YIPF2: variants seen among roughly 807,000 people sequenced by gnomAD.
YIPF2 encodes protein YIPF2.
In YIPF2, 30 loss-of-function variants were observed where a neutral mutation model predicts 38.8. The ratio of observed to expected loss-of-function variants is 0.77; its 90% CI spans 0.58 to 1.05. YIPF2 has a LOEUF of 1.05. Ranked by LOEUF, YIPF2 falls within the 50% of genes least tolerant of loss-of-function variation. YIPF2 has a pLI of 0.00. For synonymous variants in YIPF2, 194 were observed against 183.8 expected, an observed-to-expected ratio of 1.06 and a Z score of -0.45; for missense variants, 401 against 409.7, an observed-to-expected ratio of 0.98 and a Z score of 0.18.
chr19:10,928,554 G>C lies in YIPF2; in HGVS notation c.-74C>G. On this transcript the variant is annotated 5_prime_UTR_variant, in exon 1 of 10. Coordinates refer to ENST00000586748, the MANE Select transcript of YIPF2 (RefSeq NM_001321439.2). ...CACGGAGGCTTGAACTCGTCGTCCC[G>C]TCCCCACAGGTGCGCTCCGCCCCCC... The C allele has an allele frequency of 2.6e-6, 3 of 1,135,112 alleles. No individual in the cohort carries two copies. In the South Asian group the frequency reaches 6.2e-5, roughly 24 times the overall value. The allele number at this position is 1,135,112 out of a possible 1,614,324, so 70.3% of individuals were successfully genotyped here.
chr19:10,924,506 C>T (rs1242935873), intron 5 of YIPF2, among the ~76,000 whole-genome samples: 2 of 152,120 alleles, frequency 1.3e-5, no homozygotes, highest in Non-Finnish European at 2.9e-5. Flanking sequence ...GTTCTTGGCC[C>T]CTTCCATGTC....
chr19:10,922,643 C>T lies in YIPF2; in HGVS notation c.*551G>A, dbSNP rs2074276476. On this transcript the variant is annotated 3_prime_UTR_variant, in exon 10 of 10. Coordinates refer to ENST00000586748, the MANE Select transcript of YIPF2 (RefSeq NM_001321439.2). ...TAGCTCCCCTCCATCCTTGTAGACG[C>T]TCCAGTCCCTACTACTGTGACGGCA... The T allele has an allele frequency of 6.6e-6, 1 of 152,336 alleles. No individual in the cohort carries two copies. The highest frequency in any genetic ancestry group is 1.5e-5 in the Non-Finnish European group (1 of 68,136). The allele number at this position is 152,336 out of a possible 1,614,324, so 9.4% of individuals were successfully genotyped here.
At position 10,923,876 on chromosome 19, in the gene YIPF2, A is replaced by G. The variant is rs757126430; in HGVS notation, c.608T>C (p.Val203Ala). Residue 203 changes from valine (V) to alanine (A), a missense_variant, in exon 7 of 10, where the codon GTG (valine) becomes GCG (alanine). Coordinates refer to ENST00000586748, the MANE Select transcript of YIPF2 (RefSeq NM_001321439.2). ...AAAGAGGGAGTAGCCGTAGATGCACACAGTCTCCAGGAAGGTGTAGGGCCC... is the reference window on the plus strand; with the variant it reads ...AAAGAGGGAGTAGCCGTAGATGCACGCAGTCTCCAGGAAGGTGTAGGGCCC... ...RMGPYTFLET[V>A]CIYGYSLFVF... is the part of the protein sequence containing the mutation. 6.2e-7 allele frequency: 1 copy of G among 1,613,408 alleles called. No homozygotes were observed. Among genetic ancestry groups the G allele is most frequent in the East Asian group, 2.2e-5 (1 of 44,858 alleles).
intron 3 of YIPF2, 30 bp downstream of exon 3, chr19:10,927,769 G>A (rs1251279145): frequency 6.2e-7 from 1 of 1,609,684 alleles, no homozygotes; most frequent in Admixed American, 1.7e-5. Context: ...TCAGCTGGGG[G>A]CTGCAAGGAG....
At chr19:10,924,314 G>C (rs1177456455) in intron 5 of YIPF2, 122 bp from the exon 6 acceptor site, 1 of 827,622 alleles carries the variant, frequency 1.2e-6, no homozygotes, top group East Asian at 2.7e-5. Context: ...TGACTCACCA[G>C]GACACCGGGG....
chr19:10,924,697 T>C (rs1211897453), intron 5 of YIPF2, among the ~76,000 whole-genome samples: 1 of 151,842 alleles, frequency 6.6e-6, no homozygotes, highest in African/African-American at 2.4e-5. Context: ...ACGTGGCAAC[T>C]CTATCCATCC....
In YIPF2 at chr19:10,928,522, C is replaced by G. The variant is rs1400831961; in HGVS notation, c.-42G>C. ...GCCCCCAGCCCTACCTGGCGACCAA[C>G]TGCACCCACGGAGGCTTGAACTCGT... On this transcript the variant is annotated 5_prime_UTR_variant, in exon 1 of 10. Transcript: ENST00000586748. 4.6e-6 allele frequency: 6 copies of G among 1,295,644 alleles called. No individual in the cohort carries two copies. The highest frequency in any genetic ancestry group is 6.0e-6 in the Non-Finnish European group (6 of 1,000,944). The allele number at this position is 1,295,644 out of a possible 1,614,324, so 80.3% of individuals were successfully genotyped here.
At chr19:10,926,004 G>C (rs2083419342) in intron 4 of YIPF2, among the ~76,000 whole-genome samples, 2 of 147,110 alleles carry the variant, frequency 1.4e-5, no homozygotes, top group Admixed American at 1.4e-4. Context: ...TCTGCCTCCC[G>C]AGCTCAAGCA....
chr19:10,927,960 C>A lies in YIPF2; in HGVS notation c.32-1G>T, dbSNP rs1179882027. 6.2e-7 allele frequency: 1 copy of A among 1,603,692 alleles called. No homozygotes were observed. The highest frequency in any genetic ancestry group is 1.1e-5 in the South Asian group (1 of 90,828). On this transcript the variant is annotated splice_acceptor_variant, in intron 2 of 9. Transcript: ENST00000586748. LOFTEE classifies it high-confidence loss of function. ...AGAAGATTAGTGGCCTCCTCGAATT[C>A]TGTGGAGGAGGTATATGGGACACAC...
At chr19:10,927,472 C>A (rs907619163) in intron 4 of YIPF2, 158 bp downstream of exon 4, 2 of 948,202 alleles carry the variant, frequency 2.1e-6, no homozygotes, top group African/African-American at 3.3e-5. Flanking sequence ...CCCCTGTGTT[C>A]CCATAGTCCC....
rs76024147 is a variant in YIPF2, at chr19:10,923,322, G to A, written c.920C>T (p.Pro307Leu). The change falls in exon 9 of 10, where the codon CCT becomes CTT. Residue 307 changes from proline (P) to leucine (L), a missense_variant. Coordinates refer to ENST00000586748, the MANE Select transcript of YIPF2 (RefSeq NM_001321439.2). ...GGGGGCCAGGGACTGCGGCAAGGTA[G>A]GGGACAGCGCGATGTTTGAGGGCAG... ...TSLPSNIALS[P>L]TLPQSLAPS The A allele has an allele frequency of 6.2e-7, 1 of 1,612,816 alleles. No homozygotes were observed. The highest frequency in any genetic ancestry group is 2.2e-5 in the East Asian group (1 of 44,872).
chr19:10,923,952 G>A lies in YIPF2; in HGVS notation c.532C>T (p.Leu178=), dbSNP rs1480103433. 1.9e-6 allele frequency: 3 copies of A among 1,613,310 alleles called. No individual in the cohort carries two copies. The highest frequency in any genetic ancestry group is 1.3e-5 in the African/African-American group (1 of 74,926). Residue 178 remains leucine, a synonymous_variant, in exon 7 of 10, where the codon CTG becomes TTG. Coordinates refer to ENST00000586748, the MANE Select transcript of YIPF2 (RefSeq NM_001321439.2). ...CACCGCAGGAAGCCCCACAGGGCCA[G>A]GGGCACCAGCCACGCATAGCAGTAG... is the stretch of plus-strand genomic sequence containing the variant. ...SIYCYAWLVP[L]ALWGFLRWRK... is the part of the protein sequence containing the mutation.
At position 10,923,531 on chromosome 19, in the gene YIPF2, G is replaced by C. The variant is rs141333361; in HGVS notation, c.798C>G (p.Val266=). ...TGGCCAGGAGGGCGTGGAGCAGCACGACCACGGACAGCAGCACTGTGGCCA... is the reference window on the plus strand; with the variant it reads ...TGGCCAGGAGGGCGTGGAGCAGCACCACCACGGACAGCAGCACTGTGGCCA... ...RLVATVLLSV[V]VLLHALLAMG... The change falls in exon 8 of 10, where the codon GTC becomes GTG. Residue 266 remains valine (V), a synonymous_variant. Coordinates refer to ENST00000586748, the MANE Select transcript of YIPF2 (RefSeq NM_001321439.2). The C allele has an allele frequency of 6.2e-7, 1 of 1,612,518 alleles. No homozygotes were observed. The highest frequency in any genetic ancestry group is 1.3e-5 in the African/African-American group (1 of 75,034).
At position 10,923,017 on chromosome 19, in the gene YIPF2, A is replaced by G. The variant is rs976475937; in HGVS notation, c.*177T>C. 13 of 337,390 alleles carry G rather than the reference A, an allele frequency of 3.9e-5. No individual in the cohort carries two copies. Among genetic ancestry groups the G allele is most frequent in the Non-Finnish European group, 6.4e-5 (12 of 186,752 alleles). The allele number at this position is 337,390 out of a possible 1,614,324, so 20.9% of individuals were successfully genotyped here. ...GCTCGGCTGCCCCTCGCCCGCCTTT[A>G]TATAAATTCTCTGAATCACCTTTGC... On this transcript the variant is annotated 3_prime_UTR_variant, in exon 10 of 10. Coordinates refer to ENST00000586748, the MANE Select transcript of YIPF2 (RefSeq NM_001321439.2).
chr19:10,927,559 T>A (rs1160956646), intron 4 of YIPF2, 71 bp downstream of exon 4: 1 of 1,575,208 alleles, frequency 6.3e-7, no homozygotes, highest in Non-Finnish European at 8.6e-7. Flanking sequence ...ACCAGCACCC[T>A]GCCCAGGGGA....
chr19:10,924,200 TA>T lies in YIPF2; in HGVS notation c.368-9del. On this transcript the variant is annotated splice_polypyrimidine_tract_variant and intron_variant, in intron 5 of 9. Coordinates refer to ENST00000586748, the MANE Select transcript of YIPF2 (RefSeq NM_001321439.2). ...CACAGATCCAGAAGGGGCCTGGGGG[TA>T]GGGGGCACAGTCAGGGTCCCGGGCC... 1 of 1,607,992 alleles carries T rather than the reference TA, an allele frequency of 6.2e-7. No individual in the cohort carries two copies. Among genetic ancestry groups the T allele is most frequent in the Non-Finnish European group, 8.5e-7 (1 of 1,179,066 alleles).
chr19:10,927,710 G>A lies in YIPF2; in HGVS notation c.199C>T (p.Gln67Ter), dbSNP rs750728770. 2 of 1,613,344 alleles carry A rather than the reference G, an allele frequency of 1.2e-6. No individual in the cohort carries two copies. The highest frequency in any genetic ancestry group is 2.2e-5 in the South Asian group (2 of 91,066). ...GGCTGCTGCTGCTGCTGCTGCTCCT[G>A]CAGGAGCTGCACATTGCGGGCATTC... is the stretch of plus-strand genomic sequence containing the variant. ...EEESDKAALLQEQQQQQQPGF... is the reference protein window; with the variant it reads ...EEESDKAALL The change falls in exon 4 of 10, where the codon CAG becomes TAG. Residue 67 changes from glutamine (Q) to a stop codon, truncating the protein, a stop_gained. Transcript: ENST00000586748. LOFTEE classifies it high-confidence loss of function.
At chr19:10,923,714 C>T in intron 7 of YIPF2, 37 bp from the exon 8 acceptor site, 1 of 1,582,388 alleles carries the variant, frequency 6.3e-7, no homozygotes, top group Non-Finnish European at 8.6e-7. Flanking sequence ...CATGCCAGTC[C>T]CCCCAGCCAC....
intron 5 of YIPF2, 98 bp from the exon 6 acceptor site, chr19:10,924,290 C>T (rs2083384202): frequency 8.7e-7 from 1 of 1,151,636 alleles, no homozygotes; most frequent in African/African-American, 1.5e-5. Flanking sequence ...CAGCCTCTTC[C>T]TAAGCACCTT....
Sources: gnomAD v4.1 joint callset for allele counts (sites outside exome capture counted in the v4.1 genomes callset) on GRCh38, gnomAD v4.1.1 for gene constraint, MANE v1.5 for transcripts, NCBI Gene and HGNC (gene_info 2026-07-23, HGNC 2026-07-21) for gene names.